Variants in NUDCD1 observed in about 807,000 individuals in gnomAD.
The protein encoded by NUDCD1 is nudC domain-containing protein 1.
Under a neutral mutation model 67.8 loss-of-function variants are expected in NUDCD1, and 60 were observed. The observed-to-expected ratio is 0.88, with a 90% confidence interval of 0.72 to 1.10. The LOEUF is 1.10. NUDCD1 is among the 50% of genes least tolerant of loss of function. The probability of loss-of-function intolerance (pLI) is 0.00; values close to 1 mark genes in which losing one functional copy is unlikely to be tolerated. For missense variants in NUDCD1, 643 were observed against 695.0 expected (o/e 0.93, Z 0.84); for synonymous variants, 244 against 230.8 (o/e 1.06, Z -0.52).
At chr8:109,271,512 A>G (rs1814156878) in intron 7 of NUDCD1, among the ~76,000 whole-genome samples, 1 of 152,188 alleles carries the variant, frequency 6.6e-6, no homozygotes, top group Non-Finnish European at 1.5e-5. Context: ...AAAAATAGCA[A>G]TAGTGACTAC....
chr8:109,316,228 T>C (rs1392749782), intron 2 of NUDCD1: 1 of 152,212 alleles, frequency 6.6e-6, no homozygotes, highest in Non-Finnish European at 1.5e-5. Context: ...TCTACTTCCT[T>C]AGCACACTTC....
Position 109,314,896 on chromosome 8 carries a change from A to C in NUDCD1, c.273+7413T>G, listed in dbSNP as rs554111214. Among the ~76,000 whole-genome samples the C allele has an allele frequency of 6.7e-4, 102 of 152,230 alleles. 1 individual carries two copies. The highest frequency in any genetic ancestry group is 3.4e-3 in the Middle Eastern group (1 of 294). On this transcript the variant is annotated intron_variant, in intron 2 of 9. Transcript: ENST00000239690. ...AAGTAGAGAATCTTTGAACTAACGA[A>C]GTAGTTTTCTAATAAATATAGATTT...
At chr8:109,320,175 G>T (rs1411049860) in intron 2 of NUDCD1, among the ~76,000 whole-genome samples, 1 of 150,342 alleles carries the variant, frequency 6.7e-6, no homozygotes, top group African/African-American at 2.5e-5. Context: ...CAGGAGACAG[G>T]GTTTTGAGAT....
chr8:109,300,695 A>T (rs937444042), intron 2 of NUDCD1, among the ~76,000 whole-genome samples: 23 of 152,334 alleles, frequency 1.5e-4, no homozygotes, highest in African/African-American at 5.1e-4. Context: ...AATCGAGGTA[A>T]ACTTCCCCAG....
In NUDCD1 at chr8:109,271,137, C is replaced by A; in HGVS notation, c.1174-7G>T. On this transcript the variant is annotated splice_polypyrimidine_tract_variant and splice_region_variant and intron_variant, in intron 7 of 9. Coordinates refer to ENST00000239690, the MANE Select transcript of NUDCD1 (RefSeq NM_032869.4). ...CTTTATCTGGATTTGGATTCTTAGTCCAGAAAATAAAATAAGTAAATAAGT... is the reference window on the plus strand; with the variant it reads ...CTTTATCTGGATTTGGATTCTTAGTACAGAAAATAAAATAAGTAAATAAGT... 6.6e-7 allele frequency: 1 copy of A among 1,520,842 alleles called. No individual in the cohort carries two copies. The highest frequency in any genetic ancestry group is 8.9e-7 in the Non-Finnish European group (1 of 1,120,504). The allele number at this position is 1,520,842 out of a possible 1,614,324, so 94.2% of individuals were successfully genotyped here. A position where few individuals can be genotyped will look rare whatever the true frequency, so the allele number is the denominator to read the frequency against.
chr8:109,250,558 C>T (rs1563658481), intron 8 of NUDCD1, among the ~76,000 whole-genome samples: 3 of 152,280 alleles, frequency 2.0e-5, no homozygotes, highest in Non-Finnish European at 4.4e-5. Context: ...ACATCTTGGC[C>T]TGTTCCCAGT....
chr8:109,288,233 G>C lies in NUDCD1; in HGVS notation c.823+1518C>G, dbSNP rs958598487. ...ATCAAGGAAAACAATACCTGTGGTAGTGATTTAAACACATGATGTGTCCCA... is the reference window on the plus strand; with the variant it reads ...ATCAAGGAAAACAATACCTGTGGTACTGATTTAAACACATGATGTGTCCCA... On this transcript the variant is annotated intron_variant, in intron 5 of 9. Coordinates refer to ENST00000239690, the MANE Select transcript of NUDCD1 (RefSeq NM_032869.4). 7.2e-5 allele frequency among the ~76,000 whole-genome samples: 11 copies of C among 152,278 alleles called. No individual in the cohort carries two copies. The East Asian group carries it at 1.5e-3, about 21-fold the overall frequency.
intron 6 of NUDCD1, among the ~76,000 whole-genome samples, chr8:109,279,628 A>G (rs141709696): frequency 0.03 from 4,582 of 151,926 alleles, 89 homozygotes; most frequent in Middle Eastern, 0.11. Context: ...ATGAAGTCTA[A>G]CTTATGTATT....
chr8:109,301,109 T>C (rs1238435319), intron 2 of NUDCD1, among the ~76,000 whole-genome samples: 1 of 152,198 alleles, frequency 6.6e-6, no homozygotes, highest in East Asian at 1.9e-4. Context: ...TAAGCCATCA[T>C]ATCCCCTGTG....
chr8:109,299,470 A>C (rs1448019267), intron 2 of NUDCD1, among the ~76,000 whole-genome samples: 1 of 152,100 alleles, frequency 6.6e-6, no homozygotes, highest in Non-Finnish European at 1.5e-5. Context: ...GAGGCCTGTA[A>C]CTGCTGGTTC....
At chr8:109,289,559 A>G (rs1436903866) in intron 5 of NUDCD1, among the ~76,000 whole-genome samples, 192 bp downstream of exon 5, 1 of 152,196 alleles carries the variant, frequency 6.6e-6, no homozygotes, top group East Asian at 1.9e-4. Context: ...AAAATGATCA[A>G]ATTAAACCAG....
chr8:109,331,605 T>A (rs1586318922), intron 1 of NUDCD1, among the ~76,000 whole-genome samples: 2 of 151,996 alleles, frequency 1.3e-5, no homozygotes, highest in East Asian at 1.9e-4. Flanking sequence ...TTAACGCTGA[T>A]GAAATGAGTA....
intron 8 of NUDCD1, among the ~76,000 whole-genome samples, chr8:109,252,148 C>T (rs1050637616): frequency 1.1e-4 from 16 of 152,158 alleles, no homozygotes; most frequent in Middle Eastern, 6.8e-3. Context: ...GCTTGATGTG[C>T]TTCCTAGCCT....
intron 7 of NUDCD1, 135 bp from the exon 8 acceptor site, chr8:109,271,265 T>A: frequency 9.3e-6 from 5 of 536,940 alleles, no homozygotes; most frequent in Non-Finnish European, 1.6e-5. Context: ...AAAATCATAA[T>A]CACAAAAACA....
chr8:109,293,882 A>C (rs1814771887), intron 3 of NUDCD1, among the ~76,000 whole-genome samples: 2 of 152,056 alleles, frequency 1.3e-5, no homozygotes. Context: ...AGAGTCAAAA[A>C]CATTGAAGAA....
chr8:109,275,330 C>A (rs767442870), intron 7 of NUDCD1, 22 bp downstream of exon 7: 1 of 1,599,666 alleles, frequency 6.3e-7, no homozygotes, highest in Non-Finnish European at 8.5e-7. Flanking sequence ...TGGAAAGTCA[C>A]ACTACTATTC....
intron 2 of NUDCD1, among the ~76,000 whole-genome samples, chr8:109,301,758 G>A (rs917794617): frequency 2.6e-5 from 4 of 152,134 alleles, no homozygotes; most frequent in African/African-American, 9.7e-5. Flanking sequence ...CTCTAATAGA[G>A]ACAAAAGAGA....
chr8:109,304,855 G>T (rs1815067262), intron 2 of NUDCD1, among the ~76,000 whole-genome samples: 1 of 151,946 alleles, frequency 6.6e-6, no homozygotes, highest in Non-Finnish European at 1.5e-5. Flanking sequence ...CTCCTCGTTG[G>T]TCACTCCCAC....
At chr8:109,297,090 G>A (rs897452004) in intron 2 of NUDCD1, among the ~76,000 whole-genome samples, 1 of 152,208 alleles carries the variant, frequency 6.6e-6, no homozygotes, top group African/African-American at 2.4e-5. Flanking sequence ...TGTGTGATAT[G>A]GTAAGTGGTT....
Sources: allele counts gnomAD v4.1 joint callset (sites outside exome capture counted in the v4.1 genomes callset), GRCh38; gene constraint gnomAD v4.1.1; transcripts MANE v1.5; gene names NCBI Gene and HGNC (gene_info 2026-07-23, HGNC 2026-07-21).